Variants in CDH18 observed in about 807,000 individuals in gnomAD.
CDH18 encodes cadherin-18.
A neutral mutation model predicts 67.9 loss-of-function variants in CDH18; 31 were observed. That is an observed-to-expected ratio of 0.46 (90% CI 0.34 to 0.62). The LOEUF (loss-of-function observed/expected upper bound fraction) is 0.62, where lower values mean the gene tolerates loss of function less well. Among genes scored for constraint, CDH18 ranks in the 20% least tolerant of loss-of-function variants. CDH18 has a pLI of 0.01. For missense variants in CDH18, 890 were observed against 975.5 expected (o/e 0.91, Z 1.17); for synonymous variants, 362 against 347.2 (o/e 1.04, Z -0.48).
intron 3 of CDH18, among the ~76,000 whole-genome samples, chr5:19,763,697 C>A (rs1772670477): frequency 6.6e-6 from 1 of 151,954 alleles, no homozygotes; most frequent in African/African-American, 2.4e-5. Flanking sequence ...ATGAACTGAA[C>A]ACTAAAATAA....
intron 5 of CDH18, among the ~76,000 whole-genome samples, chr5:19,665,487 T>A (rs1757779097): frequency 6.6e-6 from 1 of 152,104 alleles, no homozygotes; most frequent in African/African-American, 2.4e-5. Flanking sequence ...TCAGTAAATT[T>A]CATTCGTGTT....
chr5:20,441,539 T>C (rs1282366277), intron 1 of CDH18, among the ~76,000 whole-genome samples: 2 of 151,878 alleles, frequency 1.3e-5, no homozygotes, highest in African/African-American at 2.4e-5. Flanking sequence ...CAATACACCT[T>C]TCATATAAAA....
At chr5:19,760,023 C>A (rs947056431) in intron 3 of CDH18, among the ~76,000 whole-genome samples, 1 of 152,122 alleles carries the variant, frequency 6.6e-6, no homozygotes, top group African/African-American at 2.4e-5. Flanking sequence ...CTTCTAGGGA[C>A]ACAGTGATTA....
Position 20,309,344 on chromosome 5 carries a change from A to C in CDH18, c.-579-53839T>G, listed in dbSNP as rs993266890. 2.2e-4 allele frequency among the ~76,000 whole-genome samples: 33 copies of C among 152,218 alleles called. 1 individual carries two copies. Among genetic ancestry groups the C allele is most frequent in the Admixed American group, 2.0e-3 (30 of 15,282 alleles). The stretch of plus-strand genomic sequence containing the variant: ...AATATTAATTGTCTAAATAGGCTAG[A>C]AACATCTATGCCCTCGTCCCCGTGG... On this transcript the variant is annotated intron_variant, in intron 1 of 14. Coordinates refer to the CDH18 transcript ENST00000507958.
intron 3 of CDH18, among the ~76,000 whole-genome samples, chr5:19,786,215 A>G (rs985614837): frequency 5.9e-5 from 9 of 152,182 alleles, no homozygotes; most frequent in Non-Finnish European, 1.2e-4. Context: ...CTATTCAGCA[A>G]TAATGAATAA....
intron 3 of CDH18, 43 bp from the exon 4 acceptor site, chr5:19,747,279 C>T: frequency 6.7e-7 from 1 of 1,502,660 alleles, no homozygotes; most frequent in Non-Finnish European, 9.1e-7. Context: ...ATTTATATTC[C>T]AACCTCACAT....
At chr5:19,682,596 G>T (rs571435240) in intron 5 of CDH18, among the ~76,000 whole-genome samples, 2 of 152,174 alleles carry the variant, frequency 1.3e-5, no homozygotes, top group Admixed American at 1.3e-4. Context: ...GCTCCAGGAA[G>T]CAGAGGGCAG....
intron 9 of CDH18, among the ~76,000 whole-genome samples, chr5:19,541,448 C>A (rs2127062690): frequency 6.6e-6 from 1 of 152,246 alleles, no homozygotes; most frequent in Non-Finnish European, 1.5e-5. Context: ...CTTTACAGCA[C>A]TACCCCGCTC....
chr5:19,666,199 G>A (rs1302100824), intron 5 of CDH18, among the ~76,000 whole-genome samples: 1 of 150,190 alleles, frequency 6.7e-6, no homozygotes, highest in East Asian at 2.0e-4. Flanking sequence ...CCTCCTGACT[G>A]GCTGAAACCA....
At chr5:20,172,216 A>ACACG (rs1276417764) in intron 2 of CDH18, among the ~76,000 whole-genome samples, 6 of 78,798 alleles carry the variant, frequency 7.6e-5, no homozygotes, top group African/African-American at 3.4e-4. Context: ...ATATATATAT[A>ACACG]TATATATGTA....
At chr5:20,547,346 A>C (rs1299033875) in intron 1 of CDH18, among the ~76,000 whole-genome samples, 1 of 152,020 alleles carries the variant, frequency 6.6e-6, no homozygotes, top group African/African-American at 2.4e-5. Context: ...GCGGATCATT[A>C]GGTCAGGAAT....
intron 5 of CDH18, among the ~76,000 whole-genome samples, chr5:19,635,786 A>C (rs954513153): frequency 2.0e-5 from 3 of 152,078 alleles, no homozygotes; most frequent in African/African-American, 7.2e-5. Flanking sequence ...TTGAAAGGAG[A>C]GTTCAATGAT....
At chr5:19,979,537 C>A (rs2150357597) in intron 2 of CDH18, among the ~76,000 whole-genome samples, 1 of 152,042 alleles carries the variant, frequency 6.6e-6, no homozygotes, top group South Asian at 2.1e-4. Flanking sequence ...GTCTACTCTT[C>A]TTTTACTATA....
intron 1 of CDH18, among the ~76,000 whole-genome samples, chr5:20,342,133 C>A (rs988555467): frequency 1.3e-5 from 2 of 152,062 alleles, no homozygotes; most frequent in Admixed American, 1.3e-4. Context: ...GAGTGGCTGA[C>A]CTGCAATGAA....
At chr5:19,567,808 A>T (rs79154147) in intron 8 of CDH18, among the ~76,000 whole-genome samples, 265 of 152,224 alleles carry the variant, frequency 1.7e-3, no homozygotes, top group African/African-American at 6.2e-3. Flanking sequence ...GCATTTGGAA[A>T]CTATGTACCA....
chr5:19,699,005 A>G (rs1762882251), intron 5 of CDH18, among the ~76,000 whole-genome samples: 1 of 152,194 alleles, frequency 6.6e-6, no homozygotes, highest in African/African-American at 2.4e-5. Flanking sequence ...CAGTAACAGA[A>G]TAGAGCACTA....
At chr5:19,885,775 T>G (rs1184004022) in intron 2 of CDH18, among the ~76,000 whole-genome samples, 29 of 152,198 alleles carry the variant, frequency 1.9e-4, no homozygotes, top group Non-Finnish European at 1.5e-5. Flanking sequence ...CTATTATTTT[T>G]AAATACAGCT....
intron 3 of CDH18, among the ~76,000 whole-genome samples, chr5:19,789,003 A>T (rs1202202294): frequency 1.3e-5 from 2 of 152,174 alleles, no homozygotes; most frequent in African/African-American, 4.8e-5. Flanking sequence ...TTGAGGGAAG[A>T]GCCGCCTATA....
chr5:19,771,450 C>T (rs139331266), intron 3 of CDH18, among the ~76,000 whole-genome samples: 2 of 152,274 alleles, frequency 1.3e-5, no homozygotes, highest in African/African-American at 4.8e-5. Flanking sequence ...AGTCCACAGC[C>T]AACATGAACC....
Sources: allele counts gnomAD v4.1 joint callset (sites outside exome capture counted in the v4.1 genomes callset), GRCh38; gene constraint gnomAD v4.1.1; transcripts MANE v1.5; gene names NCBI Gene and HGNC (gene_info 2026-07-23, HGNC 2026-07-21).